The following RTL4 variants were observed in gnomAD, a reference collection of about 807,000 sequenced individuals.
RTL4 encodes retrotransposon Gag-like protein 4.
RTL4 carries 4 observed loss-of-function variants against 5.3 expected under a neutral mutation model. That is an observed-to-expected ratio of 0.75 (90% CI 0.37 to 1.72). The LOEUF (loss-of-function observed/expected upper bound fraction) is 1.72, where lower values mean the gene tolerates loss of function less well. Among genes scored for constraint, RTL4 ranks in the 40% most tolerant of loss-of-function variants. The probability of loss-of-function intolerance (pLI) is 0.04; values close to 1 mark genes in which losing one functional copy is unlikely to be tolerated. For synonymous variants in RTL4, 98 were observed against 87.3 expected, an observed-to-expected ratio of 1.12 and a Z score of -0.68; for missense variants, 260 against 227.1, an observed-to-expected ratio of 1.14 and a Z score of -0.93.
the RTL4 span, among the ~76,000 whole-genome samples, chrX:112,216,882 C>G: frequency 3.6e-5 from 4 of 111,950 alleles, no homozygotes; most frequent in East Asian, 1.1e-3. Flanking sequence ...GTTGCTTATT[C>G]CAAAGTCTTT....
At chrX:112,301,355 C>T in the RTL4 span, among the ~76,000 whole-genome samples, 1 of 112,228 alleles carries the variant, frequency 8.9e-6, no homozygotes, top group African/African-American at 3.2e-5. Context: ...ATACCTTCCT[C>T]ATCAGGTTGT....
At chrX:112,394,381 A>G in the RTL4 span, among the ~76,000 whole-genome samples, 4 of 110,978 alleles carry the variant, frequency 3.6e-5, no homozygotes, top group African/African-American at 1.3e-4. Context: ...TCTTTCTTTA[A>G]TTGTTCTTTT....
the RTL4 span, among the ~76,000 whole-genome samples, chrX:112,348,370 GT>G: frequency 0.016 from 1,555 of 94,349 alleles, 25 homozygotes; most frequent in African/African-American, 0.049. Flanking sequence ...CTTAATTTGT[GT>G]TTTTTTTTTT....
the RTL4 span, among the ~76,000 whole-genome samples, chrX:112,363,419 G>T: frequency 9.0e-6 from 1 of 111,075 alleles, no homozygotes; most frequent in Non-Finnish European, 1.9e-5. Context: ...GAATGGTAGG[G>T]TCACTTGTGA....
At chrX:112,209,548 T>C in the RTL4 span, among the ~76,000 whole-genome samples, 9 of 111,363 alleles carry the variant, frequency 8.1e-5, no homozygotes, top group Admixed American at 8.6e-4. Context: ...TAACTGATCA[T>C]AGGGAACGCC....
chrX:112,195,550 A>T, the RTL4 span, among the ~76,000 whole-genome samples: 317 of 111,360 alleles, frequency 2.8e-3, no homozygotes, highest in African/African-American at 9.4e-3. Context: ...GGTCTTGGGT[A>T]TTTAAAAAAT....
the RTL4 span, among the ~76,000 whole-genome samples, chrX:112,398,589 C>T: frequency 1.8e-5 from 2 of 109,122 alleles, no homozygotes; most frequent in African/African-American, 6.7e-5. Flanking sequence ...TTAGTAGAGA[C>T]GGGTTTTCAC....
the RTL4 span, among the ~76,000 whole-genome samples, chrX:112,429,969 A>T: frequency 9.0e-6 from 1 of 110,692 alleles, no homozygotes; most frequent in East Asian, 2.8e-4. Flanking sequence ...TTCTTTGAGG[A>T]TATTTATTTA....
chrX:112,359,305 ACT>A, the RTL4 span, among the ~76,000 whole-genome samples: 1 of 110,887 alleles, frequency 9.0e-6, no homozygotes, highest in Non-Finnish European at 1.9e-5. Context: ...ATCCAACTGT[ACT>A]CTTTTAGTTA....
At chrX:112,142,534 CAA>C in the RTL4 span, among the ~76,000 whole-genome samples, 1 of 111,945 alleles carries the variant, frequency 8.9e-6, no homozygotes, top group African/African-American at 3.3e-5. Context: ...CATGTGTAGG[CAA>C]AGATCAGAGC....
At chrX:112,098,920 C>T in the RTL4 span, among the ~76,000 whole-genome samples, 7 of 112,070 alleles carry the variant, frequency 6.2e-5, no homozygotes. Flanking sequence ...AGACCTAAAA[C>T]CATAAAAACA....
At chrX:112,439,095 A>G in the RTL4 span, among the ~76,000 whole-genome samples, 2 of 111,671 alleles carry the variant, frequency 1.8e-5, no homozygotes, top group African/African-American at 3.3e-5. Context: ...TATGGCCATC[A>G]CCAGTAGGCC....
chrX:112,134,235 T>G, the RTL4 span, among the ~76,000 whole-genome samples: 2 of 111,462 alleles, frequency 1.8e-5, no homozygotes, highest in Non-Finnish European at 3.8e-5. Context: ...TTCCCACCCC[T>G]CCAACCATAT....
At chrX:112,452,834 C>A (rs1432215793), upstream of RTL4, among the ~76,000 whole-genome samples, 1 of 110,826 alleles carries the variant, frequency 9.0e-6, no homozygotes, top group Non-Finnish European at 1.9e-5. Context: ...GAGTTTGAGA[C>A]CAGCCTGGCC....
chrX:112,265,863 G>A, the RTL4 span, among the ~76,000 whole-genome samples: 73 of 108,046 alleles, frequency 6.8e-4, no homozygotes, highest in Non-Finnish European at 1.3e-3. Flanking sequence ...CCAATTCTGT[G>A]CCACCTTCAC....
chrX:112,291,378 A>G, the RTL4 span, among the ~76,000 whole-genome samples: 1 of 65,396 alleles, frequency 1.5e-5, no homozygotes, highest in African/African-American at 8.4e-5. Context: ...ACACACACAC[A>G]CACACACACA....
the RTL4 span, among the ~76,000 whole-genome samples, chrX:112,256,065 C>A: frequency 5.4e-5 from 6 of 111,877 alleles, no homozygotes; most frequent in African/African-American, 1.9e-4. Flanking sequence ...TTCATATAAA[C>A]ACCTGTTTGA....
chrX:112,111,778 G>T, the RTL4 span, among the ~76,000 whole-genome samples: 1 of 111,823 alleles, frequency 8.9e-6, no homozygotes, highest in South Asian at 3.8e-4. Context: ...ACTTCCATCA[G>T]TATATAGGTT....
the RTL4 span, among the ~76,000 whole-genome samples, chrX:112,238,850 C>G: frequency 8.9e-6 from 1 of 111,749 alleles, no homozygotes; most frequent in African/African-American, 3.3e-5. Context: ...TTGGCAATAC[C>G]TGCTCTACTA....
Sources: allele counts gnomAD v4.1 joint callset (sites outside exome capture counted in the v4.1 genomes callset), GRCh38; gene constraint gnomAD v4.1.1; transcripts MANE v1.5; gene names NCBI Gene and HGNC (gene_info 2026-07-23, HGNC 2026-07-21).